The following WDR20 variants were observed in gnomAD, a reference collection of about 807,000 sequenced individuals.
WDR20 encodes the protein WD repeat domain 20.
WDR20 carries 3 observed loss-of-function variants against 38.7 expected under a neutral mutation model. The observed-to-expected ratio is 0.08, with a 90% CI of 0.04 to 0.20. The LOEUF (loss-of-function observed/expected upper bound fraction) is 0.20. Ranked by LOEUF, WDR20 falls within the 10% of genes least tolerant of loss-of-function variation. The probability of loss-of-function intolerance (pLI) is 1.00; values close to 1 mark genes in which losing one functional copy is unlikely to be tolerated. For synonymous variants in WDR20, 298 were observed against 285.6 expected (o/e 1.04, Z -0.44); for missense variants, 559 against 727.7 (o/e 0.77, Z 2.67).
intron 1 of WDR20, among the ~76,000 whole-genome samples, chr14:102,190,048 G>A (rs2065936033): frequency 6.6e-6 from 1 of 152,184 alleles, no homozygotes; most frequent in African/African-American, 2.4e-5. Flanking sequence ...AAGAGGGGCT[G>A]TCTGCTCTGG....
intron 1 of WDR20, among the ~76,000 whole-genome samples, chr14:102,165,918 G>T (rs2059683970): frequency 6.6e-6 from 1 of 152,000 alleles, no homozygotes; most frequent in African/African-American, 2.4e-5. Flanking sequence ...GGGATTACCG[G>T]CATGAGCCAC....
At chr14:102,142,774 CTTTTTTTTTTT>C (rs71116885) in intron 1 of WDR20, among the ~76,000 whole-genome samples, 7 of 85,038 alleles carry the variant, frequency 8.2e-5, no homozygotes, top group Admixed American at 1.6e-4. Context: ...GCTGTTTTGA[CTTTTTTTTTTT>C]TTTTTTTTTT....
At chr14:102,160,412 TTTG>T (rs1368424043) in intron 1 of WDR20, among the ~76,000 whole-genome samples, 3 of 152,134 alleles carry the variant, frequency 2.0e-5, no homozygotes, top group African/African-American at 7.2e-5. Context: ...GACTTATTCT[TTTG>T]TTGTTACACG....
At position 102,222,240 on chromosome 14, in the gene WDR20, G is replaced by A. The variant is rs1343808804; in HGVS notation, c.1693-590G>A. 6.6e-6 allele frequency among the ~76,000 whole-genome samples: 1 copy of A among 152,168 alleles called. No individual in the cohort carries two copies. Among genetic ancestry groups the A allele is most frequent in the African/African-American group, 2.4e-5 (1 of 41,430 alleles). The stretch of plus-strand genomic sequence containing the variant: ...CACGGCAAGACTACTTTGTTCTGGG[G>A]CTCCCCCGACCTCGGCCTGGGCCCT... On this transcript the variant is annotated intron_variant, in intron 3 of 3. Coordinates refer to the WDR20 transcript ENST00000335263. The surrounding 1 kb of genome is among the most constrained non-coding windows in gnomAD (Gnocchi z 4.4).
downstream of WDR20, chr14:102,214,497 T>C (rs1032512976): frequency 4.1e-6 from 4 of 985,348 alleles, no homozygotes; most frequent in African/African-American, 7.0e-5. Flanking sequence ...GTCTCACTGA[T>C]GTTGATTTCT....
rs900658697 is a variant in WDR20, at chr14:102,222,248, G to A, written c.1693-582G>A. Among the ~76,000 whole-genome samples, 1 of 152,134 alleles carries A rather than the reference G, an allele frequency of 6.6e-6. No individual in the cohort carries two copies. Among genetic ancestry groups the A allele is most frequent in the East Asian group, 1.9e-4 (1 of 5,186 alleles). ...GACTACTTTGTTCTGGGGCTCCCCCGACCTCGGCCTGGGCCCTGCTGTCTC... is the reference window on the plus strand; with the variant it reads ...GACTACTTTGTTCTGGGGCTCCCCCAACCTCGGCCTGGGCCCTGCTGTCTC... On this transcript the variant is annotated intron_variant, in intron 3 of 3. Transcript: ENST00000335263. The surrounding 1 kb of genome is among the most constrained non-coding windows in gnomAD (Gnocchi z 4.4).
chr14:102,182,118 G>T (rs909959446), intron 1 of WDR20, among the ~76,000 whole-genome samples: 7 of 152,068 alleles, frequency 4.6e-5, no homozygotes, highest in Admixed American at 4.6e-4. Flanking sequence ...CTGTAAAATT[G>T]GTGATAAATT....
At chr14:102,205,777 A>C (rs2061422761) in intron 2 of WDR20, among the ~76,000 whole-genome samples, 1 of 150,218 alleles carries the variant, frequency 6.7e-6, no homozygotes, top group Admixed American at 6.6e-5. Context: ...AGAAACCCTT[A>C]CCACAATACA....
chr14:102,221,931 T>C lies in WDR20; in HGVS notation c.1693-899T>C, dbSNP rs902582722. Among the ~76,000 whole-genome samples the C allele has an allele frequency of 6.6e-6, 1 of 152,208 alleles. No homozygotes were observed. Among genetic ancestry groups the C allele is most frequent in the Non-Finnish European group, 1.5e-5 (1 of 68,038 alleles). ...TGGGGCTGCACTGTCGCCATCTTAA[T>C]GTTCTTCATAAATGAACGCCACACT... On this transcript the variant is annotated intron_variant, in intron 3 of 3. Coordinates refer to the WDR20 transcript ENST00000335263. This position sits in a 1 kb window ranked among gnomAD's most constrained non-coding sequence, Gnocchi z 4.8.
In WDR20 at chr14:102,207,515, G is replaced by A. The variant is rs115279097; in HGVS notation, c.433-1088G>A. 4.6e-3 allele frequency among the ~76,000 whole-genome samples: 708 copies of A among 152,290 alleles called. 6 individuals carry two copies. The highest frequency in any genetic ancestry group is 0.016 in the African/African-American group (653 of 41,568). Reference sequence around the variant, plus strand: ...GGACTCCCCACCTGTTAGGTGAAGCGGTGGTGTTCAACTTACCTGGGGCTG... The same window carrying A: ...GGACTCCCCACCTGTTAGGTGAAGCAGTGGTGTTCAACTTACCTGGGGCTG... On this transcript the variant is annotated intron_variant, in intron 2 of 2. Coordinates refer to ENST00000342702, the MANE Select transcript of WDR20 (RefSeq NM_144574.4). This position sits in a 1 kb window ranked among gnomAD's most constrained non-coding sequence, Gnocchi z 5.0.
chr14:102,224,073 C>G (rs555820442), downstream of WDR20, among the ~76,000 whole-genome samples: 192 of 145,470 alleles, frequency 1.3e-3, 1 homozygote, highest in African/African-American at 4.6e-3. Context: ...ATGGAGTCTC[C>G]CTCTGTTGTC....
chr14:102,187,119 T>C (rs1307312673), intron 1 of WDR20, among the ~76,000 whole-genome samples: 3 of 152,148 alleles, frequency 2.0e-5, no homozygotes, highest in Non-Finnish European at 4.4e-5. Context: ...GGTCCCTGTT[T>C]TGGTTGTCTG....
At chr14:102,213,481 G>T (rs1184424942), downstream of WDR20, 3 of 985,296 alleles carry the variant, frequency 3.0e-6, no homozygotes, top group Admixed American at 1.8e-4. Context: ...CCTTAAAAAT[G>T]GAGGCATGGA....
chr14:102,158,759 G>A (rs1168111934), intron 1 of WDR20, among the ~76,000 whole-genome samples: 5 of 151,982 alleles, frequency 3.3e-5, no homozygotes, highest in African/African-American at 7.3e-5. Flanking sequence ...TGTCTGTACC[G>A]GATGCCTTCC....
intron 1 of WDR20, among the ~76,000 whole-genome samples, chr14:102,174,817 T>C (rs959720820): frequency 1.3e-5 from 2 of 152,354 alleles, no homozygotes; most frequent in South Asian, 2.1e-4. Context: ...TGTTTAGCAT[T>C]TTTTCATATG....
At chr14:102,155,504 T>G (rs953697480) in intron 1 of WDR20, among the ~76,000 whole-genome samples, 3 of 152,262 alleles carry the variant, frequency 2.0e-5, no homozygotes, top group South Asian at 4.1e-4. Context: ...GAAGAGACTC[T>G]GGGGAGAAGG....
chr14:102,215,035 A>G (rs2063047250), downstream of WDR20: 1 of 968,338 alleles, frequency 1.0e-6, no homozygotes, highest in East Asian at 1.1e-4. Context: ...TCATTTTCAC[A>G]TCTAAGCTTT....
At chr14:102,139,575 C>G (rs116641992), upstream of WDR20, 2,122 of 733,574 alleles carry the variant, frequency 2.9e-3, 35 homozygotes, top group African/African-American at 0.034. Context: ...CGCCGCGGTT[C>G]CCCCTGACCG....
intron 1 of WDR20, among the ~76,000 whole-genome samples, chr14:102,165,636 C>CTTTTTTTTT (rs398026421): frequency 7.7e-6 from 1 of 129,384 alleles, no homozygotes; most frequent in African/African-American, 2.9e-5. Context: ...CTTTTCTTTT[C>CTTTTTTTTT]TTTTTTTTTT....
Sources: gnomAD v4.1 joint callset for allele counts (sites outside exome capture counted in the v4.1 genomes callset) on GRCh38, gnomAD v4.1.1 for gene constraint, Gnocchi (gnomAD v3.1) non-coding constraint, MANE v1.5 for transcripts, NCBI Gene and HGNC (gene_info 2026-07-23, HGNC 2026-07-21) for gene names.